Variants in SUGCT observed in about 807,000 individuals in gnomAD.
SUGCT encodes the protein succinyl-CoA:glutarate-CoA transferase, also known as succinyl-CoA:glutarate CoA-transferase.
In SUGCT, 41 loss-of-function variants were observed where a neutral mutation model predicts 55.0. The ratio of observed to expected loss-of-function variants is 0.74; its 90% CI spans 0.58 to 0.97. The LOEUF (loss-of-function observed/expected upper bound fraction) is 0.97. Ranked by LOEUF, SUGCT falls within the 50% of genes least tolerant of loss-of-function variation. The pLI, the probability that SUGCT is intolerant of heterozygous loss-of-function variation, is 0.00. For missense variants in SUGCT, 568 were observed against 547.8 expected, an observed-to-expected ratio of 1.04 and a Z score of -0.37; for synonymous variants, 187 against 200.4, an observed-to-expected ratio of 0.93 and a Z score of 0.56.
intron 9 of SUGCT, among the ~76,000 whole-genome samples, chr7:40,351,767 T>C (rs1797646553): frequency 6.6e-6 from 1 of 152,204 alleles, no homozygotes; most frequent in African/African-American, 2.4e-5. Flanking sequence ...TTTGTCTTCA[T>C]TTTTTAATCT....
At chr7:40,963,693 A>G in the SUGCT span, among the ~76,000 whole-genome samples, 1 of 152,214 alleles carries the variant, frequency 6.6e-6, no homozygotes, top group Non-Finnish European at 1.5e-5. Flanking sequence ...TAATCCTAGT[A>G]TGATTCATTC....
chr7:40,819,818 C>T (rs1320110562), intron 13 of SUGCT, among the ~76,000 whole-genome samples: 1 of 152,176 alleles, frequency 6.6e-6, no homozygotes, highest in African/African-American at 2.4e-5. Flanking sequence ...GTGTTTTAGT[C>T]ATGAAGTCCT....
At position 40,311,033 on chromosome 7, in the gene SUGCT, C is replaced by T. The variant is rs1795119922; in HGVS notation, c.721-5727C>T. Among the ~76,000 whole-genome samples the T allele has an allele frequency of 2.6e-5, 4 of 152,216 alleles. 1 individual carries two copies. The South Asian group carries it at 8.3e-4, about 32-fold the overall frequency. ...CAAATTCAACACATTCAGAGGTGGG[C>T]TCTTATTTTCTTTTCGCTTCAATTA... is the stretch of plus-strand genomic sequence containing the variant. On this transcript the variant is annotated intron_variant, in intron 8 of 13. Transcript: ENST00000335693.
the SUGCT span, among the ~76,000 whole-genome samples, chr7:40,916,087 AC>A: frequency 7.3e-6 from 1 of 137,392 alleles, no homozygotes. Context: ...ACACACACAC[AC>A]ACACACACAC....
intron 1 of SUGCT, among the ~76,000 whole-genome samples, chr7:40,180,384 G>A (rs1785130464): frequency 6.6e-6 from 1 of 151,674 alleles, no homozygotes; most frequent in Non-Finnish European, 1.5e-5. Flanking sequence ...TCCCAAAGTG[G>A]TGGGATTACA....
the SUGCT span, among the ~76,000 whole-genome samples, chr7:40,999,732 G>A: frequency 6.6e-6 from 1 of 152,172 alleles, no homozygotes; most frequent in South Asian, 2.1e-4. Flanking sequence ...AAGGCCTCCA[G>A]TAGCAGGATC....
chr7:40,851,713 A>G, intron 13 of SUGCT, among the ~76,000 whole-genome samples: 1 of 152,256 alleles, frequency 6.6e-6, no homozygotes, highest in East Asian at 1.9e-4. Flanking sequence ...ACCTTAATTT[A>G]TACCCATGAA....
At chr7:40,886,761 T>C in the SUGCT span, among the ~76,000 whole-genome samples, 1 of 152,312 alleles carries the variant, frequency 6.6e-6, no homozygotes, top group African/African-American at 2.4e-5. Flanking sequence ...CATGTTGGTA[T>C]GCAGTAAGCA....
Position 40,237,634 on chromosome 7 carries a change from G to T in SUGCT, c.485-1G>T. The T allele has an allele frequency of 6.2e-7, 1 of 1,613,600 alleles. No individual in the cohort carries two copies. The highest frequency in any genetic ancestry group is 1.3e-5 in the African/African-American group (1 of 75,022). On this transcript the variant is annotated splice_acceptor_variant, in intron 6 of 13. Coordinates refer to ENST00000335693, the MANE Select transcript of SUGCT (RefSeq NM_001193313.2). LOFTEE classifies it high-confidence loss of function. Reference sequence around the variant, plus strand: ...GAATATGTTTATTTTTGTTGTTTTAGGGTATGGTCAGACAGGTCCAATTTC... The same window carrying T: ...GAATATGTTTATTTTTGTTGTTTTATGGTATGGTCAGACAGGTCCAATTTC...
chr7:40,995,380 C>CCGTTATTATTAT, the SUGCT span, among the ~76,000 whole-genome samples: 16 of 44,150 alleles, frequency 3.6e-4, no homozygotes, highest in African/African-American at 2.1e-3. Context: ...CCTATAATAG[C>CCGTTATTATTAT]TGTTATTATT....
At chr7:40,205,837 C>G (rs1341338924) in intron 6 of SUGCT, among the ~76,000 whole-genome samples, 1 of 151,920 alleles carries the variant, frequency 6.6e-6, no homozygotes, top group African/African-American at 2.4e-5. Context: ...AAAACTTTAA[C>G]AGGAGATTGA....
chr7:40,894,223 T>C, the SUGCT span, among the ~76,000 whole-genome samples: 3 of 151,946 alleles, frequency 2.0e-5, no homozygotes, highest in African/African-American at 7.3e-5. Context: ...AAAATAAGCA[T>C]TGGGAGAAAG....
chr7:40,179,860 G>A lies in SUGCT; in HGVS notation c.101-1087G>A, dbSNP rs73312980. ...CATCAACTTTCCTAATATCCTGTTGGCGAAAACAAGGCAGATGTCCAAGCC... is the reference window on the plus strand; with the variant it reads ...CATCAACTTTCCTAATATCCTGTTGACGAAAACAAGGCAGATGTCCAAGCC... On this transcript the variant is annotated intron_variant, in intron 1 of 13. Transcript: ENST00000335693. Among the ~76,000 whole-genome samples, 1,414 of 152,284 alleles carry A rather than the reference G, an allele frequency of 9.3e-3. 20 individuals carry two copies. Among genetic ancestry groups the A allele is most frequent in the African/African-American group, 0.031 (1,305 of 41,546 alleles).
At chr7:40,233,399 T>C (rs1331682126) in intron 6 of SUGCT, among the ~76,000 whole-genome samples, 1 of 151,988 alleles carries the variant, frequency 6.6e-6, no homozygotes, top group Non-Finnish European at 1.5e-5. Flanking sequence ...TTTTGTATCT[T>C]TAGTAGAGAC....
chr7:40,237,852 C>A, intron 7 of SUGCT, 126 bp downstream of exon 7: 1 of 667,858 alleles, frequency 1.5e-6, no homozygotes, highest in Non-Finnish European at 2.5e-6. Context: ...GCTGTTTTTG[C>A]CATTGAAATT....
chr7:40,153,262 C>CA, intron 1 of SUGCT: 3 of 400,630 alleles, frequency 7.5e-6, no homozygotes, highest in East Asian at 7.9e-5. Context: ...CTGATGAAAG[C>CA]AAAAAAGAAG....
the SUGCT span, among the ~76,000 whole-genome samples, chr7:40,910,477 C>T: frequency 6.6e-6 from 1 of 152,052 alleles, no homozygotes; most frequent in Admixed American, 6.5e-5. Flanking sequence ...ATGACATAAG[C>T]TTGAAAGTTG....
At chr7:40,172,116 A>G (rs1042665408) in intron 1 of SUGCT, among the ~76,000 whole-genome samples, 3 of 151,964 alleles carry the variant, frequency 2.0e-5, no homozygotes, top group African/African-American at 7.2e-5. Flanking sequence ...AATTTACTCA[A>G]TTCGCTTTCA....
At chr7:40,826,800 T>G (rs956329410) in intron 13 of SUGCT, among the ~76,000 whole-genome samples, 4 of 152,152 alleles carry the variant, frequency 2.6e-5, no homozygotes, top group African/African-American at 9.7e-5. Context: ...TTAAAACAAG[T>G]GCATTGCTAG....
Sources: gnomAD v4.1 joint callset for allele counts (sites outside exome capture counted in the v4.1 genomes callset) on GRCh38, gnomAD v4.1.1 for gene constraint, MANE v1.5 for transcripts, NCBI Gene and HGNC (gene_info 2026-07-23, HGNC 2026-07-21) for gene names.